WDR64: variants seen among roughly 807,000 people sequenced by gnomAD.
WDR64 encodes WD repeat-containing protein 64.
WDR64 carries 112 observed loss-of-function variants against 139.3 expected under a neutral mutation model. The observed-to-expected ratio is 0.80, with a 90% CI of 0.69 to 0.94. The LOEUF (loss-of-function observed/expected upper bound fraction) is 0.94, where lower values mean the gene tolerates loss of function less well. WDR64 is among the 40% of genes least tolerant of loss of function. The probability of loss-of-function intolerance (pLI) is 0.00; values close to 1 mark genes in which losing one functional copy is unlikely to be tolerated. For synonymous variants in WDR64, 444 were observed against 437.7 expected, an observed-to-expected ratio of 1.01 and a Z score of -0.18; for missense variants, 1,206 against 1,293.1, an observed-to-expected ratio of 0.93 and a Z score of 1.03.
At chr1:241,797,325 A>T (rs953635645) in intron 27 of WDR64, among the ~76,000 whole-genome samples, 6 of 152,240 alleles carry the variant, frequency 3.9e-5, no homozygotes, top group African/African-American at 1.4e-4. Flanking sequence ...CTACACAGCT[A>T]TCACTATATA....
At position 241,652,332 on chromosome 1, in the gene WDR64, C is replaced by T. The variant is rs758205291; in HGVS notation, c.-153C>T. The T allele has an allele frequency of 8.5e-5, 62 of 726,020 alleles. No individual in the cohort carries two copies. Among genetic ancestry groups the T allele is most frequent in the Admixed American group, 2.1e-4 (7 of 33,448 alleles). 45.0% of individuals were successfully genotyped at this position (726,020 alleles called of 1,614,324 possible). A position where few individuals can be genotyped will look rare whatever the true frequency, so the allele number is the denominator to read the frequency against. On this transcript the variant is annotated 5_prime_UTR_variant, in exon 1 of 28. Coordinates refer to ENST00000437684, the MANE Select transcript of WDR64 (RefSeq NM_001367482.1). ...TAACATCCTAGTGGCAACTCTTACT[C>T]CTACCCGCACTATGGGATTTTAAGA...
In WDR64 at chr1:241,723,860, G is replaced by T. The variant is rs1668703843; in HGVS notation, c.1194+424G>T. ...ATATTTGCAAATAATGGGATTACCT[G>T]CTTGAAAAGAGATCAATACAATCAA... On this transcript the variant is annotated intron_variant, in intron 10 of 27. Coordinates refer to ENST00000437684, the MANE Select transcript of WDR64 (RefSeq NM_001367482.1). 1.3e-5 allele frequency among the ~76,000 whole-genome samples: 2 copies of T among 151,996 alleles called. 1 individual carries two copies. The highest frequency in any genetic ancestry group is 1.3e-4 in the Admixed American group (2 of 15,250).
Position 241,703,788 on chromosome 1 carries a change from C to T in WDR64, c.975-8014C>T, listed in dbSNP as rs1030714504. Among the ~76,000 whole-genome samples, 1 of 152,110 alleles carries T rather than the reference C, an allele frequency of 6.6e-6. No homozygotes were observed. Among genetic ancestry groups the T allele is most frequent in the African/African-American group, 2.4e-5 (1 of 41,416 alleles). ...TCACAGTTCCACATGGCTGGGGAGG[C>T]TTCAGGAAACTTACAATCATGGCGG... On this transcript the variant is annotated intron_variant, in intron 8 of 27. Coordinates refer to ENST00000437684, the MANE Select transcript of WDR64 (RefSeq NM_001367482.1). The surrounding 1 kb of genome is among the most constrained non-coding windows in gnomAD (Gnocchi z 5.9).
intron 8 of WDR64, among the ~76,000 whole-genome samples, chr1:241,696,961 T>C (rs541305867): frequency 6.6e-6 from 1 of 152,192 alleles, no homozygotes; most frequent in Admixed American, 6.5e-5. Flanking sequence ...CTCTGACACC[T>C]TGATCTCTTC....
intron 10 of WDR64, among the ~76,000 whole-genome samples, chr1:241,731,988 T>C (rs1480299939): frequency 2.0e-5 from 3 of 152,334 alleles, no homozygotes; most frequent in South Asian, 2.1e-4. Context: ...TGTAGTACTA[T>C]GTTAACACTC....
At position 241,681,882 on chromosome 1, in the gene WDR64, C is replaced by T. The variant is rs184732924; in HGVS notation, c.625-1605C>T. Among the ~76,000 whole-genome samples, 192 of 152,130 alleles carry T rather than the reference C, an allele frequency of 1.3e-3. 1 individual carries two copies. The highest frequency in any genetic ancestry group is 0.01 in the Middle Eastern group (3 of 294). ...CATTTTCCTGATCATTAATTTGACGCTGATCATTTTTTTCCATATTTTTGT... is the reference window on the plus strand; with the variant it reads ...CATTTTCCTGATCATTAATTTGACGTTGATCATTTTTTTCCATATTTTTGT... On this transcript the variant is annotated intron_variant, in intron 6 of 27. Transcript: ENST00000437684.
intron 18 of WDR64, 49 bp downstream of exon 18, chr1:241,770,739 G>T: frequency 6.5e-7 from 1 of 1,528,812 alleles, no homozygotes; most frequent in Non-Finnish European, 8.9e-7. Context: ...CTCAATGTTG[G>T]TTCAAAAATA....
intron 25 of WDR64, among the ~76,000 whole-genome samples, chr1:241,791,977 A>C (rs1659227289): frequency 6.6e-6 from 1 of 152,226 alleles, no homozygotes; most frequent in East Asian, 1.9e-4. Flanking sequence ...AACAGATATA[A>C]AATGATTCTT....
rs766802128 is a variant in WDR64, at chr1:241,784,953, G to GGAAAAA, written c.2705+1572_2705+1573insGAAAAA. On this transcript the variant is annotated intron_variant, in intron 23 of 27. Coordinates refer to ENST00000437684, the MANE Select transcript of WDR64 (RefSeq NM_001367482.1). ...TGGGCGACAGAGTGAGACTCTGTCT[G>GGAAAAA]AAAAAAAAAAAAAAAAAAAAAAAGA... 7.4e-4 allele frequency among the ~76,000 whole-genome samples: 46 copies of GGAAAAA among 62,248 alleles called. 3 individuals are homozygous for GGAAAAA. Among genetic ancestry groups the GGAAAAA allele is most frequent in the South Asian group, 1.8e-3 (2 of 1,122 alleles). 40.8% of individuals were successfully genotyped at this position (62,248 alleles called of 152,430 possible).
chr1:241,718,372 C>A (rs1222950728), intron 9 of WDR64, among the ~76,000 whole-genome samples: 1 of 152,150 alleles, frequency 6.6e-6, no homozygotes, highest in Non-Finnish European at 1.5e-5. Context: ...AATAACCAAA[C>A]TAAGTCTAAA....
At chr1:241,665,190 T>C (rs914442512) in intron 2 of WDR64, among the ~76,000 whole-genome samples, 2 of 152,210 alleles carry the variant, frequency 1.3e-5, no homozygotes, top group African/African-American at 4.8e-5. Flanking sequence ...TGTATGTATA[T>C]AAAGAATGAC....
Position 241,679,257 on chromosome 1 carries a change from T to C in WDR64, c.514-228T>C, listed in dbSNP as rs536309166. ...TGCTTCCAGGGAGCAATCCTATCGC[T>C]AACTGAATCATTCTCCAGCTGATAG... On this transcript the variant is annotated intron_variant, in intron 5 of 27. Coordinates refer to ENST00000437684, the MANE Select transcript of WDR64 (RefSeq NM_001367482.1). Among the ~76,000 whole-genome samples, 4 of 152,276 alleles carry C rather than the reference T, an allele frequency of 2.6e-5. No homozygotes were observed. The South Asian group carries it at 8.3e-4, about 32-fold the overall frequency.
intron 8 of WDR64, among the ~76,000 whole-genome samples, chr1:241,708,456 C>T (rs749003573): frequency 5.9e-5 from 9 of 152,056 alleles, no homozygotes; most frequent in South Asian, 2.1e-4. Context: ...TGGGATGACA[C>T]GCATACACCA....
At chr1:241,725,733 A>G (rs1668802522) in intron 10 of WDR64, among the ~76,000 whole-genome samples, 1 of 152,166 alleles carries the variant, frequency 6.6e-6, no homozygotes. Flanking sequence ...TATGGTAGCC[A>G]CAAATTTTTA....
At chr1:241,690,292 A>G (rs765003539) in intron 8 of WDR64, among the ~76,000 whole-genome samples, 4 of 151,980 alleles carry the variant, frequency 2.6e-5, no homozygotes, top group Admixed American at 6.6e-5. Context: ...CCAACATGGT[A>G]AAACCCCGTC....
chr1:241,767,795 T>C (rs531315269), intron 16 of WDR64, among the ~76,000 whole-genome samples: 3 of 152,310 alleles, frequency 2.0e-5, no homozygotes, highest in African/African-American at 4.8e-5. Context: ...GAACCTTTAA[T>C]TGAAATAGCT....
At chr1:241,791,331 T>C (rs1659209636) in intron 25 of WDR64, among the ~76,000 whole-genome samples, 1 of 152,098 alleles carries the variant, frequency 6.6e-6, no homozygotes, top group Non-Finnish European at 1.5e-5. Context: ...TCTCTGACCA[T>C]GTGGTCACAC....
intron 20 of WDR64, among the ~76,000 whole-genome samples, chr1:241,774,565 A>G (rs966526518): frequency 2.0e-5 from 3 of 152,192 alleles, no homozygotes; most frequent in African/African-American, 7.2e-5. Flanking sequence ...TGAGCGCTGA[A>G]AAACAACCTG....
intron 1 of WDR64, among the ~76,000 whole-genome samples, chr1:241,658,710 G>A (rs1558457700): frequency 2.0e-5 from 3 of 147,836 alleles, no homozygotes; most frequent in African/African-American, 7.5e-5. Context: ...TTCTACCAAA[G>A]ACTCCAATGG....
Sources: allele counts gnomAD v4.1 joint callset (sites outside exome capture counted in the v4.1 genomes callset), GRCh38; gene constraint gnomAD v4.1.1; non-coding constraint Gnocchi (gnomAD v3.1); transcripts MANE v1.5; gene names NCBI Gene and HGNC (gene_info 2026-07-23, HGNC 2026-07-21).